Variants in BBOF1 observed in about 807,000 individuals in gnomAD.
BBOF1 encodes basal body orientation factor 1, also known as basal body-orientation factor 1.
A neutral mutation model predicts 68.0 loss-of-function variants in BBOF1; 62 were observed. That is an observed-to-expected ratio of 0.91 (90% confidence interval 0.74 to 1.13). The LOEUF is 1.13. BBOF1 is among the 50% of genes most tolerant of loss of function. The pLI is 0.00. For synonymous variants in BBOF1, 208 were observed against 198.8 expected (o/e 1.05, Z -0.39); for missense variants, 534 against 600.1 (o/e 0.89, Z 1.15).
At chr14:74,056,318 G>A (rs932969716) in intron 9 of BBOF1, among the ~76,000 whole-genome samples, 5 of 150,502 alleles carry the variant, frequency 3.3e-5, no homozygotes, top group Non-Finnish European at 5.9e-5. Flanking sequence ...TCGTGCTTCA[G>A]CCTCCCGAGT....
rs536254293 is a variant in BBOF1, at chr14:74,077,550, T to TG, written n.1380-639dup. On this transcript the variant is annotated intron_variant and non_coding_transcript_variant, in intron 9 of 12. Coordinates refer to the BBOF1 transcript ENST00000492026. ...GCAGACCTGTGTGAAGAGGCAAAAC[T>TG]GGGGGGGTATCCTGGCTTTATAGCC... is the stretch of plus-strand genomic sequence containing the variant. Among the ~76,000 whole-genome samples the TG allele has an allele frequency of 7.2e-3, 1,101 of 152,146 alleles. 4 individuals are homozygous for TG. The highest frequency in any genetic ancestry group is 0.031 in the South Asian group (151 of 4,818).
At chr14:74,047,396 G>A (rs772094604) in intron 6 of BBOF1, among the ~76,000 whole-genome samples, 5 of 146,400 alleles carry the variant, frequency 3.4e-5, no homozygotes, top group South Asian at 2.1e-4. Flanking sequence ...GAAGTAACCC[G>A]TCCTTTTTCA....
chr14:74,039,045 C>T (rs7150923), intron 4 of BBOF1, among the ~76,000 whole-genome samples: 78,898 of 151,960 alleles, frequency 0.52, 21,160 homozygotes, highest in East Asian at 0.89. Context: ...TAATACTCAT[C>T]ACAGCAAATT....
At chr14:74,061,118 C>T (rs2060330715) in intron 11 of BBOF1, among the ~76,000 whole-genome samples, 1 of 151,376 alleles carries the variant, frequency 6.6e-6, no homozygotes, top group Non-Finnish European at 1.5e-5. Context: ...GCTGGGATTA[C>T]AGGCACCTGC....
At position 74,081,937 on chromosome 14, in the gene BBOF1, C is replaced by T. The variant is rs147664324; in HGVS notation, n.1639+663C>T. On this transcript the variant is annotated intron_variant and non_coding_transcript_variant, in intron 12 of 12. Coordinates refer to the BBOF1 transcript ENST00000492026. ...GAGTAATTTTCTTGCCCAGGTGCAG[C>T]GGTTCGTGCCTGTAGTCCCAACACT... Among the ~76,000 whole-genome samples, 1,091 of 152,246 alleles carry T rather than the reference C, an allele frequency of 7.2e-3. 9 individuals carry two copies. Among genetic ancestry groups the T allele is most frequent in the Non-Finnish European group, 0.013 (864 of 68,020 alleles).
chr14:74,072,134 G>T, intron 9 of BBOF1: 1 of 1,610,246 alleles, frequency 6.2e-7, no homozygotes, highest in South Asian at 1.1e-5. Context: ...TGGCTGAAAA[G>T]GTCTCTGTGA....
In BBOF1 at chr14:74,065,480, C is replaced by G; in HGVS notation, c.*781C>G. On this transcript the variant is annotated 3_prime_UTR_variant, in exon 12 of 12. Coordinates refer to ENST00000394009, the MANE Select transcript of BBOF1 (RefSeq NM_025057.3). ...CGTGGACAACTTTCATATTACTAATCTCTTTTCATTTCAAATCACCTATTT... is the reference window on the plus strand; with the variant it reads ...CGTGGACAACTTTCATATTACTAATGTCTTTTCATTTCAAATCACCTATTT... The G allele has an allele frequency of 2.2e-6, 2 of 921,832 alleles. No individual in the cohort carries two copies. Among genetic ancestry groups the G allele is most frequent in the Non-Finnish European group, 3.4e-6 (2 of 593,298 alleles). The allele number at this position is 921,832 out of a possible 1,614,324, so 57.1% of individuals were successfully genotyped here. A position where few individuals can be genotyped will look rare whatever the true frequency, so the allele number is the denominator to read the frequency against.
chr14:74,047,022 CA>C (rs1357798485), intron 6 of BBOF1: 1 of 152,222 alleles, frequency 6.6e-6, no homozygotes, highest in Non-Finnish European at 1.5e-5. Flanking sequence ...GTCACTGTAC[CA>C]AGCCACATTT....
chr14:74,053,743 A>T (rs1447989454), intron 8 of BBOF1, among the ~76,000 whole-genome samples: 1 of 146,108 alleles, frequency 6.8e-6, no homozygotes, highest in Non-Finnish European at 1.5e-5. Flanking sequence ...AGAGAGTCTC[A>T]CTCTGTCGCC....
At chr14:74,039,408 A>ATCTTTT (rs1232467606) in intron 4 of BBOF1, among the ~76,000 whole-genome samples, 1 of 151,888 alleles carries the variant, frequency 6.6e-6, no homozygotes, top group East Asian at 1.9e-4. Context: ...AAGGAATGAA[A>ATCTTTT]TCTTTTTCTA....
At chr14:74,054,184 G>A (rs566859570) in intron 8 of BBOF1, among the ~76,000 whole-genome samples, 79 of 151,266 alleles carry the variant, frequency 5.2e-4, no homozygotes, top group Non-Finnish European at 9.4e-4. Flanking sequence ...CCTAATTTTC[G>A]TATTTTTAGT....
At chr14:74,032,424 G>A (rs2059593049) in intron 3 of BBOF1, among the ~76,000 whole-genome samples, 1 of 151,258 alleles carries the variant, frequency 6.6e-6, no homozygotes. Flanking sequence ...ACTGTGCCTG[G>A]CCTCAAACTT....
intron 9 of BBOF1, chr14:74,071,589 C>A: frequency 6.2e-7 from 1 of 1,606,168 alleles, no homozygotes; most frequent in South Asian, 1.1e-5. Context: ...GGAAGTGGTT[C>A]AGGCCAATGA....
intron 5 of BBOF1, among the ~76,000 whole-genome samples, chr14:74,045,160 A>G (rs2059922642): frequency 6.6e-6 from 1 of 152,162 alleles, no homozygotes; most frequent in Admixed American, 6.5e-5. Context: ...CACATAGTAA[A>G]TGCTCAAAAC....
chr14:74,068,755 A>G, downstream of BBOF1: 1 of 1,361,308 alleles, frequency 7.3e-7, no homozygotes, highest in Non-Finnish European at 1.0e-6. Flanking sequence ...AAAGAAAGAA[A>G]CACTGACATT....
At chr14:74,029,139 A>C in intron 2 of BBOF1, 45 bp from the exon 3 acceptor site, 3 of 1,190,508 alleles carry the variant, frequency 2.5e-6, no homozygotes, top group Non-Finnish European at 3.7e-6. Context: ...GTAGACATAG[A>C]GCAGTTTCTT....
At chr14:74,076,958 T>G (rs2060619741) in intron 9 of BBOF1, among the ~76,000 whole-genome samples, 1 of 152,182 alleles carries the variant, frequency 6.6e-6, no homozygotes, top group Non-Finnish European at 1.5e-5. Context: ...CTAATAATCT[T>G]TTATCTTGCC....
intron 8 of BBOF1, among the ~76,000 whole-genome samples, chr14:74,050,620 C>T (rs2060045627): frequency 6.6e-6 from 1 of 151,252 alleles, no homozygotes; most frequent in South Asian, 2.2e-4. Context: ...GTCTTGAACT[C>T]CTGGCCTCAA....
chr14:74,033,135 T>TAAA (rs2059615003), intron 3 of BBOF1, among the ~76,000 whole-genome samples: 1 of 152,216 alleles, frequency 6.6e-6, no homozygotes, highest in Admixed American at 6.6e-5. Context: ...ATGTCAGAGA[T>TAAA]AAAAGGTGTG....
Sources: allele counts gnomAD v4.1 joint callset (sites outside exome capture counted in the v4.1 genomes callset), GRCh38; gene constraint gnomAD v4.1.1; transcripts MANE v1.5; gene names NCBI Gene and HGNC (gene_info 2026-07-23, HGNC 2026-07-21).